The following CEP83 variants were observed in gnomAD, a reference collection of about 807,000 sequenced individuals.
CEP83 encodes the protein centrosomal protein of 83 kDa.
In CEP83, 70 loss-of-function variants were observed where a neutral mutation model predicts 101.9. That is an observed-to-expected ratio of 0.69 (90% confidence interval 0.57 to 0.84). CEP83 has a LOEUF of 0.84. CEP83 is among the 40% of genes least tolerant of loss of function. The pLI is 0.00. For missense variants in CEP83, 715 were observed against 787.2 expected (o/e 0.91, Z 1.10); for synonymous variants, 264 against 267.9 (o/e 0.99, Z 0.14).
chr12:94,404,742 T>C (rs937164071), intron 4 of CEP83, among the ~76,000 whole-genome samples: 1 of 152,136 alleles, frequency 6.6e-6, no homozygotes, highest in African/African-American at 2.4e-5. Context: ...ATAAATAAAA[T>C]AATTCAAACA....
At chr12:94,364,267 C>A (rs2060915013) in intron 11 of CEP83, among the ~76,000 whole-genome samples, 2 of 152,086 alleles carry the variant, frequency 1.3e-5, no homozygotes, top group Non-Finnish European at 2.9e-5. Context: ...TTTATTTTTA[C>A]ATGTATTTTA....
At chr12:94,324,436 T>C (rs1005942570) in intron 14 of CEP83, among the ~76,000 whole-genome samples, 1 of 152,346 alleles carries the variant, frequency 6.6e-6, no homozygotes, top group East Asian at 1.9e-4. Flanking sequence ...TCCTTTTGTT[T>C]TAATATCTAT....
intron 2 of CEP83, among the ~76,000 whole-genome samples, chr12:94,413,825 T>TACACAC (rs56372938): frequency 2.9e-3 from 410 of 140,482 alleles, no homozygotes; most frequent in African/African-American, 5.4e-3. Flanking sequence ...CCATAATACA[T>TACACAC]ACACACACAC....
the CEP83 span, chr12:94,277,133 A>G: frequency 6.6e-6 from 1 of 152,258 alleles, no homozygotes; most frequent in Non-Finnish European, 1.5e-5. Flanking sequence ...TGAGAAGTCC[A>G]AGATCAAGAG....
intron 1 of CEP83, among the ~76,000 whole-genome samples, chr12:94,441,771 T>A (rs1422646159): frequency 2.0e-5 from 3 of 151,856 alleles, no homozygotes; most frequent in African/African-American, 7.3e-5. Flanking sequence ...AAAAATTAGC[T>A]GGGTGTGGTG....
intron 2 of CEP83, among the ~76,000 whole-genome samples, chr12:94,425,303 A>T (rs2065110374): frequency 6.6e-6 from 1 of 152,160 alleles, no homozygotes; most frequent in Non-Finnish European, 1.5e-5. Context: ...CTGAATTAAG[A>T]AGCAGACATT....
intron 1 of CEP83, among the ~76,000 whole-genome samples, chr12:94,455,686 A>G (rs748422080): frequency 6.6e-6 from 1 of 152,220 alleles, no homozygotes; most frequent in Non-Finnish European, 1.5e-5. Context: ...TGAAGTCACA[A>G]TATACAGAAG....
chr12:94,393,163 G>C (rs549517736), intron 6 of CEP83, among the ~76,000 whole-genome samples: 1 of 152,158 alleles, frequency 6.6e-6, no homozygotes, highest in African/African-American at 2.4e-5. Context: ...GCCTGGAAGA[G>C]ACACAACAAA....
chr12:94,266,952 C>T, the CEP83 span, among the ~76,000 whole-genome samples: 2 of 152,164 alleles, frequency 1.3e-5, no homozygotes, highest in African/African-American at 2.4e-5. Context: ...GGAGCCCAGG[C>T]GTGGATGTAT....
At chr12:94,381,168 C>T (rs772225641) in intron 6 of CEP83, among the ~76,000 whole-genome samples, 1 of 152,186 alleles carries the variant, frequency 6.6e-6, no homozygotes, top group African/African-American at 2.4e-5. Flanking sequence ...ACTGCCATAA[C>T]ACCACTTGTG....
intron 1 of CEP83, among the ~76,000 whole-genome samples, chr12:94,437,171 C>A (rs1247362128): frequency 6.6e-6 from 1 of 151,594 alleles, no homozygotes; most frequent in Non-Finnish European, 1.5e-5. Context: ...TGGTGAAACC[C>A]CAACTAAACT....
At chr12:94,354,636 G>A (rs1213409110) in intron 11 of CEP83, among the ~76,000 whole-genome samples, 1 of 152,050 alleles carries the variant, frequency 6.6e-6, no homozygotes, top group East Asian at 1.9e-4. Flanking sequence ...TCAGTAACAA[G>A]AAGAACTCTG....
chr12:94,351,884 C>T (rs557531384), intron 11 of CEP83, among the ~76,000 whole-genome samples: 54 of 152,316 alleles, frequency 3.5e-4, no homozygotes, highest in African/African-American at 1.2e-3. Context: ...ACATGAGATT[C>T]ATTCTACAAA....
At chr12:94,305,289 C>T, downstream of CEP83, 1 of 1,575,422 alleles carries the variant, frequency 6.3e-7, no homozygotes, top group Non-Finnish European at 8.7e-7. Flanking sequence ...GATGTAAGCA[C>T]TCTGGGGCCT....
intron 6 of CEP83, among the ~76,000 whole-genome samples, chr12:94,397,305 C>T (rs1024252119): frequency 6.6e-6 from 1 of 152,082 alleles, no homozygotes; most frequent in African/African-American, 2.4e-5. Context: ...TTGAGACCAG[C>T]CTGGCCAACA....
the CEP83 span, among the ~76,000 whole-genome samples, chr12:94,289,529 G>A: frequency 6.6e-6 from 1 of 152,086 alleles, no homozygotes; most frequent in East Asian, 1.9e-4. Context: ...CTAAAGTAGG[G>A]GCCCAGAGGA....
intron 6 of CEP83, among the ~76,000 whole-genome samples, chr12:94,379,539 T>C (rs993742247): frequency 2.0e-5 from 3 of 152,160 alleles, no homozygotes; most frequent in African/African-American, 7.2e-5. Context: ...TTTTAAATGA[T>C]AGCTGAGAGT....
intron 1 of CEP83, among the ~76,000 whole-genome samples, chr12:94,439,396 G>A (rs902429648): frequency 1.3e-5 from 2 of 152,026 alleles, no homozygotes; most frequent in Non-Finnish European, 1.5e-5. Context: ...TGGCTACTAT[G>A]AACATCTTTA....
chr12:94,375,533 G>C (rs2061489378), intron 8 of CEP83, among the ~76,000 whole-genome samples: 1 of 152,194 alleles, frequency 6.6e-6, no homozygotes, highest in South Asian at 2.1e-4. Flanking sequence ...TAGCAACCTA[G>C]CACAGAAATG....
Sources: allele counts gnomAD v4.1 joint callset (sites outside exome capture counted in the v4.1 genomes callset), GRCh38; gene constraint gnomAD v4.1.1; transcripts MANE v1.5; gene names NCBI Gene and HGNC (gene_info 2026-07-23, HGNC 2026-07-21).